The following MYO3B variants were observed in gnomAD, a reference collection of about 807,000 sequenced individuals.
MYO3B encodes myosin-IIIb.
In MYO3B, 156 loss-of-function variants were observed where a neutral mutation model predicts 174.6. The ratio of observed to expected loss-of-function variants is 0.89; its 90% confidence interval spans 0.78 to 1.02. The LOEUF (loss-of-function observed/expected upper bound fraction) is 1.02. Among genes scored for constraint, MYO3B ranks in the 50% least tolerant of loss-of-function variants. MYO3B has a pLI of 0.00. For synonymous variants in MYO3B, 563 were observed against 569.1 expected, an observed-to-expected ratio of 0.99 and a Z score of 0.15; for missense variants, 1,632 against 1,639.4, an observed-to-expected ratio of 1.00 and a Z score of 0.08.
chr2:170,447,356 G>C (rs994842090), intron 23 of MYO3B, among the ~76,000 whole-genome samples: 2 of 152,080 alleles, frequency 1.3e-5, no homozygotes, highest in African/African-American at 4.8e-5. Context: ...TGTATCACTT[G>C]ATAGCAATAA....
chr2:170,268,204 T>G (rs1242227499), intron 7 of MYO3B, among the ~76,000 whole-genome samples: 2 of 152,076 alleles, frequency 1.3e-5, no homozygotes, highest in Non-Finnish European at 2.9e-5. Context: ...CACACCTGGA[T>G]GACAAAGGAT....
chr2:170,584,999 A>T (rs76113678), intron 32 of MYO3B, among the ~76,000 whole-genome samples: 4 of 152,240 alleles, frequency 2.6e-5, no homozygotes, highest in African/African-American at 9.6e-5. Flanking sequence ...CTCATGCAGC[A>T]GTTCTCAACC....
At chr2:170,294,083 A>G (rs1005337356) in intron 7 of MYO3B, among the ~76,000 whole-genome samples, 2 of 152,150 alleles carry the variant, frequency 1.3e-5, no homozygotes, top group African/African-American at 4.8e-5. Context: ...AGGAGAGACA[A>G]GGCAGAGTTT....
rs139900053 is a variant in MYO3B, at chr2:170,358,898, A to T, written c.816-10324A>T. On this transcript the variant is annotated intron_variant, in intron 8 of 34. Coordinates refer to ENST00000408978, the MANE Select transcript of MYO3B (RefSeq NM_138995.5). ...TAAGCCTGTGCACATAAAAGCTATCAGTTCTATTTTCGCTTCTCCTTGTCT... is the reference window on the plus strand; with the variant it reads ...TAAGCCTGTGCACATAAAAGCTATCTGTTCTATTTTCGCTTCTCCTTGTCT... Among the ~76,000 whole-genome samples the T allele has an allele frequency of 1.8e-3, 275 of 152,294 alleles. 2 individuals are homozygous for T. The highest frequency in any genetic ancestry group is 6.4e-3 in the African/African-American group (265 of 41,556).
At chr2:170,610,426 T>G (rs1695067358) in intron 32 of MYO3B, among the ~76,000 whole-genome samples, 1 of 152,156 alleles carries the variant, frequency 6.6e-6, no homozygotes, top group African/African-American at 2.4e-5. Flanking sequence ...AAGATAGAGA[T>G]CCTTATGTTT....
chr2:170,402,720 A>G, intron 18 of MYO3B, 128 bp from the exon 19 acceptor site: 1 of 766,408 alleles, frequency 1.3e-6, no homozygotes, highest in Non-Finnish European at 1.9e-6. Flanking sequence ...TAGGGGTGGC[A>G]GGATGCTGCT....
chr2:170,651,555 G>T, intron 32 of MYO3B, 73 bp from the exon 33 acceptor site: 1 of 1,185,526 alleles, frequency 8.4e-7, no homozygotes, highest in East Asian at 2.3e-5. Flanking sequence ...GTGCATTTAT[G>T]TGAAGAGCCA....
At chr2:170,556,253 G>T (rs1691284373) in intron 32 of MYO3B, among the ~76,000 whole-genome samples, 1 of 151,984 alleles carries the variant, frequency 6.6e-6, no homozygotes, top group African/African-American at 2.4e-5. Flanking sequence ...TAATATCTTG[G>T]TTGCTTCCAA....
At chr2:170,631,950 T>G (rs1697025044) in intron 32 of MYO3B, among the ~76,000 whole-genome samples, 1 of 152,192 alleles carries the variant, frequency 6.6e-6, no homozygotes, top group Non-Finnish European at 1.5e-5. Context: ...AAGAGCTAAC[T>G]ATCCTAAATA....
chr2:170,468,073 A>T (rs1290129727), intron 25 of MYO3B, among the ~76,000 whole-genome samples: 1 of 152,242 alleles, frequency 6.6e-6, no homozygotes, highest in Non-Finnish European at 1.5e-5. Context: ...GAAAGCCATT[A>T]GGCAAGTATG....
chr2:170,245,875 C>T (rs1016405358), intron 7 of MYO3B, among the ~76,000 whole-genome samples: 4 of 152,134 alleles, frequency 2.6e-5, no homozygotes, highest in Non-Finnish European at 4.4e-5. Context: ...AGGTATGTAA[C>T]AAACCTAACA....
intron 7 of MYO3B, among the ~76,000 whole-genome samples, chr2:170,248,584 C>G (rs2093217447): frequency 6.6e-6 from 1 of 152,144 alleles, no homozygotes; most frequent in African/African-American, 2.4e-5. Flanking sequence ...GTTTTCTTGC[C>G]TTTTCCAGCT....
chr2:170,374,346 A>G (rs1476818033), intron 9 of MYO3B, among the ~76,000 whole-genome samples: 5 of 152,212 alleles, frequency 3.3e-5, no homozygotes, highest in Non-Finnish European at 7.3e-5. Flanking sequence ...ACTGGCTATT[A>G]CAACAAAGAT....
intron 30 of MYO3B, among the ~76,000 whole-genome samples, chr2:170,531,775 A>G (rs959826559): frequency 6.6e-6 from 1 of 152,042 alleles, no homozygotes; most frequent in Non-Finnish European, 1.5e-5. Context: ...TCATGAGTCC[A>G]TGTGGATGGA....
Position 170,499,711 on chromosome 2 carries a change from G to A in MYO3B, c.3192G>A (p.Val1064=), listed in dbSNP as rs918206718. ...TGCTTCGAGAAGTCATAGGCAGAGT[G>A]GTTGTGCTGCAGGCATATACCAAGG... is the stretch of plus-strand genomic sequence containing the variant. The part of the protein sequence containing the change: ...NLLLREVIGR[V]VVLQAYTKGW... Residue 1064 remains valine, a synonymous_variant, in exon 27 of 35, where the codon GTG becomes GTA. Transcript: ENST00000408978. 1 of 1,614,158 alleles carries A rather than the reference G, an allele frequency of 6.2e-7. No homozygotes were observed. The highest frequency in any genetic ancestry group is 8.5e-7 in the Non-Finnish European group (1 of 1,180,006).
chr2:170,407,001 G>A (rs1160840247), intron 21 of MYO3B, among the ~76,000 whole-genome samples: 1 of 152,162 alleles, frequency 6.6e-6, no homozygotes, highest in East Asian at 1.9e-4. Flanking sequence ...TGTGAAATGT[G>A]TGACCGTGGG....
chr2:170,345,026 G>A (rs1319555028), intron 8 of MYO3B: 2 of 152,242 alleles, frequency 1.3e-5, no homozygotes, highest in Non-Finnish European at 2.9e-5. Context: ...GAGCTGTGGT[G>A]ACTTCCTGGT....
At chr2:170,492,562 A>G (rs1355823258) in intron 25 of MYO3B, among the ~76,000 whole-genome samples, 2 of 152,222 alleles carry the variant, frequency 1.3e-5, no homozygotes, top group Non-Finnish European at 2.9e-5. Flanking sequence ...AGGAACACAC[A>G]AAGATTCCAA....
At chr2:170,626,530 G>C (rs1696449014) in intron 32 of MYO3B, among the ~76,000 whole-genome samples, 1 of 152,248 alleles carries the variant, frequency 6.6e-6, no homozygotes, top group South Asian at 2.1e-4. Context: ...GTCAATTGGA[G>C]CATTTAGCCC....
Sources: allele counts gnomAD v4.1 joint callset (sites outside exome capture counted in the v4.1 genomes callset), GRCh38; gene constraint gnomAD v4.1.1; transcripts MANE v1.5; gene names NCBI Gene and HGNC (gene_info 2026-07-23, HGNC 2026-07-21).